Variants in SAMMSON observed in about 807,000 individuals in gnomAD.
SAMMSON encodes survival associated mitochondrial melanoma specific oncogenic non-coding RNA.
At chr3:70,125,989 T>G (rs2067456900) in intron 4 of SAMMSON, 1 of 814,388 alleles carries the variant, frequency 1.2e-6, no homozygotes, top group Non-Finnish European at 2.1e-6. Flanking sequence ...CATATGGTCT[T>G]CATAGATGGG....
chr3:70,097,101 G>T (rs1382365598), intron 4 of SAMMSON, among the ~76,000 whole-genome samples: 1 of 152,154 alleles, frequency 6.6e-6, no homozygotes, highest in Non-Finnish European at 1.5e-5. Flanking sequence ...ATGAATATTG[G>T]GTGCCACCCC....
At chr3:70,008,037 T>C (rs2066935868) in intron 1 of SAMMSON, among the ~76,000 whole-genome samples, 1 of 152,208 alleles carries the variant, frequency 6.6e-6, no homozygotes, top group African/African-American at 2.4e-5. Flanking sequence ...CATGCTGTTT[T>C]GGTTACTGTA....
At chr3:70,206,921 T>C (rs989769333) in intron 4 of SAMMSON, 1 of 394,134 alleles carries the variant, frequency 2.5e-6, no homozygotes, top group Non-Finnish European at 4.5e-6. Flanking sequence ...TGAAGTATTA[T>C]TGAGCAAGAC....
At chr3:70,212,939 G>A (rs572416848) in intron 4 of SAMMSON, among the ~76,000 whole-genome samples, 1 of 151,940 alleles carries the variant, frequency 6.6e-6, no homozygotes, top group South Asian at 2.1e-4. Context: ...CACTATAGGC[G>A]TGCACCAACA....
At chr3:70,253,378 G>C (rs925142442) in intron 6 of SAMMSON, among the ~76,000 whole-genome samples, 1 of 152,194 alleles carries the variant, frequency 6.6e-6, no homozygotes, top group Non-Finnish European at 1.5e-5. Flanking sequence ...GGGCTGAGTG[G>C]ATAAAGTAGA....
chr3:70,007,418 A>G (rs1051533339), intron 1 of SAMMSON, among the ~76,000 whole-genome samples: 70 of 152,058 alleles, frequency 4.6e-4, no homozygotes, highest in African/African-American at 1.5e-3. Context: ...GCATTTTTTC[A>G]TGTGTCTGTT....
intron 4 of SAMMSON, among the ~76,000 whole-genome samples, chr3:70,100,780 A>G (rs553133804): frequency 6.6e-6 from 1 of 152,310 alleles, no homozygotes; most frequent in South Asian, 2.1e-4. Flanking sequence ...AAAAATCAAC[A>G]TACCAAACTG....
intron 7 of SAMMSON, among the ~76,000 whole-genome samples, chr3:70,329,740 T>A (rs1702607267): frequency 6.6e-6 from 1 of 151,992 alleles, no homozygotes; most frequent in South Asian, 2.1e-4. Flanking sequence ...ATCTTAAAGA[T>A]TTTCCTTTAA....
chr3:70,370,165 A>G (rs575627845), intron 9 of SAMMSON, among the ~76,000 whole-genome samples: 1 of 152,102 alleles, frequency 6.6e-6, no homozygotes, highest in East Asian at 1.9e-4. Flanking sequence ...ATGGTCAAAT[A>G]GTATTCCACC....
chr3:70,190,087 C>T (rs185404682), intron 4 of SAMMSON, among the ~76,000 whole-genome samples: 1 of 152,138 alleles, frequency 6.6e-6, no homozygotes, highest in African/African-American at 2.4e-5. Flanking sequence ...GAATAGAACT[C>T]CCCCCTCCCC....
At chr3:70,097,563 C>T (rs1351729995) in intron 4 of SAMMSON, among the ~76,000 whole-genome samples, 1 of 152,192 alleles carries the variant, frequency 6.6e-6, no homozygotes, top group Non-Finnish European at 1.5e-5. Context: ...CAGGATGAAT[C>T]GTATTGGCAG....
chr3:70,109,141 T>C (rs2067378873), intron 4 of SAMMSON, among the ~76,000 whole-genome samples: 1 of 152,144 alleles, frequency 6.6e-6, no homozygotes, highest in East Asian at 1.9e-4. Flanking sequence ...GGAACCACCC[T>C]TCTATCAACC....
chr3:70,000,644 A>G (rs2107573098), intron 1 of SAMMSON, among the ~76,000 whole-genome samples: 1 of 152,306 alleles, frequency 6.6e-6, no homozygotes, highest in South Asian at 2.1e-4. Flanking sequence ...AACAAATTCA[A>G]GTCTGTTTAT....
intron 4 of SAMMSON, among the ~76,000 whole-genome samples, chr3:70,157,565 G>C (rs2067596825): frequency 6.6e-6 from 1 of 152,080 alleles, no homozygotes; most frequent in Admixed American, 6.6e-5. Flanking sequence ...GAGAGGTAGA[G>C]ACCTTTAGGT....
At chr3:70,114,446 A>G (rs890586673) in intron 4 of SAMMSON, among the ~76,000 whole-genome samples, 5 of 152,358 alleles carry the variant, frequency 3.3e-5, no homozygotes, top group African/African-American at 4.8e-5. Flanking sequence ...GTAGACACAC[A>G]TAAGTTGTTT....
At chr3:70,086,809 A>G (rs185694916) in intron 4 of SAMMSON, among the ~76,000 whole-genome samples, 1 of 152,256 alleles carries the variant, frequency 6.6e-6, no homozygotes, top group Admixed American at 6.5e-5. Flanking sequence ...TGCGTTGAGC[A>G]TTTTTCCCTT....
Position 70,231,761 on chromosome 3 carries a change from C to T in SAMMSON, n.508-17346C>T, listed in dbSNP as rs140077548. 2.6e-5 allele frequency among the ~76,000 whole-genome samples: 4 copies of T among 152,240 alleles called. No individual in the cohort carries two copies. The East Asian group carries it at 5.8e-4, about 22-fold the overall frequency. On this transcript the variant is annotated intron_variant and non_coding_transcript_variant, in intron 4 of 9. Coordinates refer to ENST00000642114, the Ensembl canonical transcript of SAMMSON. Reference sequence around the variant, plus strand: ...GAAGAAATGGGACAAAAGCCAGTCCCACGACTGCCCCCTTGCCCCTACTAA... The same window carrying T: ...GAAGAAATGGGACAAAAGCCAGTCCTACGACTGCCCCCTTGCCCCTACTAA...
intron 4 of SAMMSON, among the ~76,000 whole-genome samples, chr3:70,209,589 C>A (rs1036133466): frequency 6.6e-6 from 1 of 152,076 alleles, no homozygotes; most frequent in Non-Finnish European, 1.5e-5. Context: ...GGTAAATTGT[C>A]CAAGGCCTCC....
chr3:70,137,040 A>T (rs2067508888), intron 4 of SAMMSON, among the ~76,000 whole-genome samples: 1 of 152,204 alleles, frequency 6.6e-6, no homozygotes, highest in Non-Finnish European at 1.5e-5. Flanking sequence ...GGAAACCCAT[A>T]GACACAAAAC....
Sources: gnomAD v4.1 joint callset for allele counts (sites outside exome capture counted in the v4.1 genomes callset) on GRCh38, gnomAD v4.1.1 for gene constraint, MANE v1.5 for transcripts, NCBI Gene and HGNC (gene_info 2026-07-23, HGNC 2026-07-21) for gene names.